Variants in ATP6V0A1 observed in about 807,000 individuals in gnomAD.
ATP6V0A1 encodes V-type proton ATPase 116 kDa subunit a 1.
ATP6V0A1 carries 43 observed loss-of-function variants against 105.4 expected under a neutral mutation model. The ratio of observed to expected loss-of-function variants is 0.41; its 90% CI spans 0.32 to 0.53. ATP6V0A1 has a LOEUF of 0.53. ATP6V0A1 is among the 20% of genes least tolerant of loss of function. The pLI is 0.30. For missense variants in ATP6V0A1, 676 were observed against 1,051.1 expected (o/e 0.64, Z 4.93); for synonymous variants, 362 against 372.8 (o/e 0.97, Z 0.33).
At chr17:42,465,810 A>G (rs2086979496) in intron 2 of ATP6V0A1, among the ~76,000 whole-genome samples, 2 of 151,782 alleles carry the variant, frequency 1.3e-5, no homozygotes, top group South Asian at 4.2e-4. Flanking sequence ...CTAAAAATGC[A>G]AGAAAATTAG....
chr17:42,514,067 C>A, intron 20 of ATP6V0A1, 89 bp downstream of exon 20: 2 of 1,426,220 alleles, frequency 1.4e-6, no homozygotes, highest in Admixed American at 1.8e-5. Flanking sequence ...ATGGAAATTA[C>A]ATGAAGGTTC....
intron 2 of ATP6V0A1, among the ~76,000 whole-genome samples, chr17:42,463,091 C>T (rs966876889): frequency 4.1e-5 from 6 of 147,090 alleles, no homozygotes; most frequent in African/African-American, 1.0e-4. Context: ...CTGCAACCTC[C>T]GTCTCCTGGG....
chr17:42,458,918 T>G lies in ATP6V0A1; in HGVS notation c.-93T>G, dbSNP rs2086051023. 1 of 153,244 alleles carries G rather than the reference T, an allele frequency of 6.5e-6. No individual in the cohort carries two copies. Among genetic ancestry groups the G allele is most frequent in the Non-Finnish European group, 1.5e-5 (1 of 68,630 alleles). 9.5% of individuals were successfully genotyped at this position (153,244 alleles called of 1,614,324 possible). A position where few individuals can be genotyped will look rare whatever the true frequency, so the allele number is the denominator to read the frequency against. On this transcript the variant is annotated 5_prime_UTR_variant, in exon 1 of 22. Transcript: ENST00000343619. ...TCCTGGAGCCGCGGAGGGTGCGGGT[T>G]TGGCTGCGGTGGTTTCTGTGGCGGT...
intron 5 of ATP6V0A1, among the ~76,000 whole-genome samples, chr17:42,475,960 G>C (rs1004452793): frequency 3.9e-5 from 6 of 152,160 alleles, no homozygotes; most frequent in Admixed American, 3.3e-4. Context: ...CCGATATTTA[G>C]GGTTGACTTA....
rs373110715 is a variant in ATP6V0A1, at chr17:42,508,559, T to C, written c.2113-13T>C. 253 of 1,613,858 alleles carry C rather than the reference T, an allele frequency of 1.6e-4. No individual in the cohort carries two copies. The highest frequency in any genetic ancestry group is 2.0e-4 in the Non-Finnish European group (241 of 1,179,898). On this transcript the variant is annotated splice_polypyrimidine_tract_variant and intron_variant, in intron 18 of 21. Transcript: ENST00000343619. ...GCGTGGCTCCCCACTAAGTGTAAAT[T>C]TGTGTTTTCAAGCCTTCCGAGGACG...
At chr17:42,465,191 G>C (rs764408862) in intron 2 of ATP6V0A1, among the ~76,000 whole-genome samples, 1 of 150,980 alleles carries the variant, frequency 6.6e-6, no homozygotes, top group Admixed American at 6.6e-5. Flanking sequence ...ACAGGGTTTC[G>C]CCATGTTGTC....
intron 19 of ATP6V0A1, among the ~76,000 whole-genome samples, chr17:42,512,164 G>A (rs113334059): frequency 1.3e-4 from 20 of 152,288 alleles, no homozygotes; most frequent in African/African-American, 3.6e-4. Context: ...CTGAGTGGCA[G>A]ACTCATAAGT....
rs1006443633 is a variant in ATP6V0A1, at chr17:42,508,567, T to C, written c.2113-5T>C. On this transcript the variant is annotated splice_polypyrimidine_tract_variant and splice_region_variant and intron_variant, in intron 18 of 21. Transcript: ENST00000343619. ...CCCCACTAAGTGTAAATTTGTGTTTTCAAGCCTTCCGAGGACGAAGTGGTA... is the reference window on the plus strand; with the variant it reads ...CCCCACTAAGTGTAAATTTGTGTTTCCAAGCCTTCCGAGGACGAAGTGGTA... The C allele has an allele frequency of 1.9e-5, 31 of 1,613,892 alleles. No individual in the cohort carries two copies. Among genetic ancestry groups the C allele is most frequent in the Non-Finnish European group, 2.5e-5 (30 of 1,179,912 alleles).
chr17:42,481,285 G>A (rs138918484), intron 8 of ATP6V0A1: 1 of 151,210 alleles, frequency 6.6e-6, no homozygotes, highest in Admixed American at 6.6e-5. Flanking sequence ...ACGATGGTGC[G>A]ATCTTGGAGC....
intron 7 of ATP6V0A1, 124 bp downstream of exon 7, chr17:42,478,713 T>C (rs903557678): frequency 1.1e-4 from 122 of 1,084,290 alleles, no homozygotes; most frequent in Non-Finnish European, 1.4e-4. Flanking sequence ...ATCTCTGCTC[T>C]AATTGGAGAA....
rs1457496236 is a variant in ATP6V0A1, at chr17:42,512,300, C to T, written c.2131-1561C>T. Among the ~76,000 whole-genome samples the T allele has an allele frequency of 2.0e-5, 3 of 152,126 alleles. No individual in the cohort carries two copies. The South Asian group carries it at 6.2e-4, about 32-fold the overall frequency. On this transcript the variant is annotated intron_variant, in intron 19 of 21. Transcript: ENST00000343619. ...CTTCTCTCCTGTCCTGCAGTTTATT[C>T]GGTGGGAGAAACTTGAGGTAGAATA...
At chr17:42,514,853 C>T (rs2092537472) in intron 21 of ATP6V0A1, among the ~76,000 whole-genome samples, 1 of 152,104 alleles carries the variant, frequency 6.6e-6, no homozygotes, top group Non-Finnish European at 1.5e-5. Flanking sequence ...ATGTTAAGTG[C>T]AGGAAAGGCT....
intron 8 of ATP6V0A1, 174 bp downstream of exon 8, chr17:42,480,923 T>C (rs1411953573): frequency 1.1e-5 from 6 of 554,694 alleles, no homozygotes; most frequent in African/African-American, 2.0e-5. Context: ...ATTTTTATTT[T>C]TATTTTTGTT....
rs555315270 is a variant in ATP6V0A1 at position 42,478,026 on chromosome 17, T to C, written c.506+284T>C. On this transcript the variant is annotated intron_variant, in intron 6 of 21. Coordinates refer to ENST00000343619, the MANE Select transcript of ATP6V0A1 (RefSeq NM_001130021.3). ...CACATATACACAATGGAATACTATG[T>C]AGCCATAAAAAATGATGAGTTCCTG... Among the ~76,000 whole-genome samples the C allele has an allele frequency of 6.4e-4, 97 of 152,168 alleles. No homozygotes were observed. In the Middle Eastern group the frequency reaches 0.01, roughly 16 times the overall value.
Position 42,470,170 on chromosome 17 carries a change from G to A in ATP6V0A1, c.375G>A (p.Leu125=), listed in dbSNP as rs1218104452. The stretch of plus-strand genomic sequence containing the variant: ...CTCTGAAGAGAAACTTCCTGGAACT[G>A]ACCGAATTAAAATTTATACTTCGCA... ...QEALKRNFLE[L]TELKFILRKT... The change falls in exon 5 of 22, where the codon CTG becomes CTA. Residue 125 remains leucine (L), a synonymous_variant. Transcript: ENST00000343619. The A allele has an allele frequency of 2.5e-6, 4 of 1,612,772 alleles. No individual in the cohort carries two copies. The highest frequency in any genetic ancestry group is 3.4e-6 in the Non-Finnish European group (4 of 1,179,332).
Position 42,513,905 on chromosome 17 carries a change from C to T in ATP6V0A1, c.2175C>T (p.Ile725=), listed in dbSNP as rs762321888. ...DTMVHQAIHT[I]EYCLGCISNT... ...TGGTCCACCAGGCCATCCACACCAT[C>T]GAGTACTGCCTGGGCTGCATCTCCA... Residue 725 remains isoleucine, a synonymous_variant, in exon 20 of 22, where the codon ATC becomes ATT. Transcript: ENST00000343619. The T allele has an allele frequency of 1.9e-6, 3 of 1,614,214 alleles. No homozygotes were observed. Among genetic ancestry groups the T allele is most frequent in the South Asian group, 1.1e-5 (1 of 91,090 alleles).
intron 3 of ATP6V0A1, 53 bp from the exon 4 acceptor site, chr17:42,467,957 G>T (rs2087328734): frequency 1.6e-6 from 2 of 1,242,656 alleles, no homozygotes; most frequent in Non-Finnish European, 2.3e-6. Context: ...TTAAATAATG[G>T]CAATTACGAG....
chr17:42,518,853 T>C (rs1360994021), intron 21 of ATP6V0A1: 6 of 152,282 alleles, frequency 3.9e-5, no homozygotes, highest in African/African-American at 1.2e-4. Context: ...GAACCTAGGA[T>C]GGCAGATGGG....
At chr17:42,483,693 T>C (rs757350334) in intron 9 of ATP6V0A1, among the ~76,000 whole-genome samples, 27 of 152,336 alleles carry the variant, frequency 1.8e-4, no homozygotes, top group Non-Finnish European at 3.2e-4. Context: ...GCGATTCTCC[T>C]GCCTCATCCT....
Sources: allele counts gnomAD v4.1 joint callset (sites outside exome capture counted in the v4.1 genomes callset), GRCh38; gene constraint gnomAD v4.1.1; transcripts MANE v1.5; gene names NCBI Gene and HGNC (gene_info 2026-07-23, HGNC 2026-07-21).